Variants in PRPSAP1 observed in about 807,000 individuals in gnomAD.
The protein encoded by PRPSAP1 is phosphoribosyl pyrophosphate synthase-associated protein 1.
Under a neutral mutation model 39.4 loss-of-function variants are expected in PRPSAP1, and 31 were observed. The observed-to-expected ratio is 0.79, with a 90% CI of 0.59 to 1.06. PRPSAP1 has a LOEUF of 1.06. Among genes scored for constraint, PRPSAP1 ranks in the 50% least tolerant of loss-of-function variants. The pLI is 0.00. For missense variants in PRPSAP1, 430 were observed against 511.6 expected, an observed-to-expected ratio of 0.84 and a Z score of 1.54; for synonymous variants, 212 against 192.6, an observed-to-expected ratio of 1.10 and a Z score of -0.83.
intron 3 of PRPSAP1, among the ~76,000 whole-genome samples, chr17:76,342,886 T>C (rs2071454929): frequency 2.0e-5 from 3 of 152,080 alleles, no homozygotes; most frequent in African/African-American, 7.2e-5. Flanking sequence ...AAGACCAGCC[T>C]GGCCAACATG....
intron 3 of PRPSAP1, among the ~76,000 whole-genome samples, chr17:76,338,522 G>A (rs1479371896): frequency 6.6e-6 from 1 of 152,006 alleles, no homozygotes; most frequent in Non-Finnish European, 1.5e-5. Flanking sequence ...AGGCAACATG[G>A]AGAAACCCCA....
intron 3 of PRPSAP1, among the ~76,000 whole-genome samples, chr17:76,336,988 T>A (rs973543949): frequency 1.3e-5 from 2 of 152,196 alleles, no homozygotes; most frequent in Admixed American, 6.6e-5. Flanking sequence ...CAGTCTCTGC[T>A]TTATCTGTTC....
In PRPSAP1 at chr17:76,312,881, A is replaced by C. The variant is rs1416491397; in HGVS notation, c.988T>G (p.Ser330Ala). 15 of 1,612,892 alleles carry C rather than the reference A, an allele frequency of 9.3e-6. No homozygotes were observed. The highest frequency in any genetic ancestry group is 1.3e-5 in the Non-Finnish European group (15 of 1,179,708). The stretch of plus-strand genomic sequence containing the variant: ...AGAAGCAGCCTGACCTCGTCTACGG[A>C]GGACTCCTCAATCAGGCGAGGGGCC... Reference protein sequence around the residue: ...AEAPRLIEESSVDEVVVTNTV... With the variant: ...AEAPRLIEESAVDEVVVTNTV... The change falls in exon 9 of 10, where the codon TCC becomes GCC. Residue 330 changes from serine (S) to alanine (A), a missense_variant. Physicochemically the swap from Ser to Ala is moderately conservative, Grantham distance 99. Around this residue, in one of 2 missense-constraint regions of PRPSAP1, gnomAD observed 278 missense variants for 376.3 expected, o/e 0.74. Transcript: ENST00000446526.
chr17:76,342,885 C>G (rs1169899883), intron 3 of PRPSAP1, among the ~76,000 whole-genome samples: 5 of 152,094 alleles, frequency 3.3e-5, no homozygotes. Flanking sequence ...CAAGACCAGC[C>G]TGGCCAACAT....
At chr17:76,341,502 A>C (rs546175700) in intron 3 of PRPSAP1, among the ~76,000 whole-genome samples, 1 of 152,146 alleles carries the variant, frequency 6.6e-6, no homozygotes, top group Non-Finnish European at 1.5e-5. Flanking sequence ...TTGGTGTCTC[A>C]AAGTCCTGGG....
At position 76,316,339 on chromosome 17, in the gene PRPSAP1, T is replaced by G. The variant is rs182357942; in HGVS notation, c.782-2448A>C. Reference sequence around the variant, plus strand: ...ACAAAGAACTACTGTTAGTTTCGCATGAAAAACCTAGGCTCTGCTAGGAGG... The same window carrying G: ...ACAAAGAACTACTGTTAGTTTCGCAGGAAAAACCTAGGCTCTGCTAGGAGG... On this transcript the variant is annotated intron_variant, in intron 7 of 9. Coordinates refer to ENST00000446526, the MANE Select transcript of PRPSAP1 (RefSeq NM_002766.3). 2.6e-5 allele frequency among the ~76,000 whole-genome samples: 4 copies of G among 152,192 alleles called. No homozygotes were observed. In the East Asian group the frequency reaches 5.8e-4, roughly 22 times the overall value.
intron 3 of PRPSAP1, among the ~76,000 whole-genome samples, chr17:76,340,841 G>A (rs2071428793): frequency 6.7e-6 from 1 of 150,008 alleles, no homozygotes; most frequent in Non-Finnish European, 1.5e-5. Context: ...GGTGGGGTTT[G>A]CAGTGAACCG....
chr17:76,338,336 G>A (rs567189677), intron 3 of PRPSAP1, among the ~76,000 whole-genome samples: 2 of 152,202 alleles, frequency 1.3e-5, no homozygotes, highest in African/African-American at 2.4e-5. Context: ...ATTACTTTAG[G>A]CAATGCCCCC....
chr17:76,347,484 C>CAAAAAAAAAAAAAAAAAA (rs71161289), intron 2 of PRPSAP1, among the ~76,000 whole-genome samples: 8 of 25,222 alleles, frequency 3.2e-4, no homozygotes, highest in Admixed American at 6.5e-4. Flanking sequence ...AAGACTCCGT[C>CAAAAAAAAAAAAAAAAAA]AAAAAAAAAA....
chr17:76,342,744 CAAAT>C (rs1212962425), intron 3 of PRPSAP1, among the ~76,000 whole-genome samples: 3 of 149,668 alleles, frequency 2.0e-5, no homozygotes, highest in African/African-American at 7.4e-5. Context: ...AAAAGAAAGT[CAAAT>C]AAAGGCCATG....
intron 7 of PRPSAP1, among the ~76,000 whole-genome samples, chr17:76,322,428 G>A (rs423330): frequency 0.29 from 44,581 of 151,992 alleles, 7,544 homozygotes; most frequent in African/African-American, 0.46. Context: ...ACAGTCTTTC[G>A]ACAGCTCTGA....
intron 2 of PRPSAP1, chr17:76,346,033 G>T (rs182944647): frequency 1.4e-5 from 6 of 437,024 alleles, no homozygotes; most frequent in African/African-American, 1.2e-4. Flanking sequence ...CACTGGCGAG[G>T]AGGGGAATGA....
Position 76,314,232 on chromosome 17 carries a change from T to G in PRPSAP1, c.782-341A>C, listed in dbSNP as rs867299273. The G allele has an allele frequency of 4.6e-4, 108 of 234,840 alleles. 1 individual carries two copies. The highest frequency in any genetic ancestry group is 1.6e-3 in the Middle Eastern group (1 of 626). The allele number at this position is 234,840 out of a possible 1,614,324, so 14.5% of individuals were successfully genotyped here. A position where few individuals can be genotyped will look rare whatever the true frequency, so the allele number is the denominator to read the frequency against. On this transcript the variant is annotated intron_variant, in intron 7 of 9. Transcript: ENST00000446526. The stretch of plus-strand genomic sequence containing the variant: ...TGTATGTATGTATGTATGTATGTAT[T>G]TTTTGAGACGGAGTTTTGCTCTTGT...
intron 4 of PRPSAP1, among the ~76,000 whole-genome samples, chr17:76,331,652 G>A (rs528531807): frequency 1.3e-5 from 2 of 152,244 alleles, no homozygotes; most frequent in South Asian, 2.1e-4. Flanking sequence ...CGGGAGATGG[G>A]TTCCTGGAAC....
chr17:76,341,185 G>C (rs2071433117), intron 3 of PRPSAP1, among the ~76,000 whole-genome samples: 1 of 150,408 alleles, frequency 6.6e-6, no homozygotes, highest in African/African-American at 2.4e-5. Context: ...TCAAATTCCA[G>C]ATTACAATGC....
intron 7 of PRPSAP1, among the ~76,000 whole-genome samples, chr17:76,319,707 C>T (rs2071168149): frequency 6.6e-6 from 1 of 151,862 alleles, no homozygotes; most frequent in Admixed American, 6.6e-5. Context: ...CCCTCCTTGG[C>T]CTCCCAAAGT....
intron 5 of PRPSAP1, 51 bp downstream of exon 5, chr17:76,330,495 AAAACT>A: frequency 7.4e-7 from 1 of 1,353,946 alleles, no homozygotes; most frequent in Non-Finnish European, 1.0e-6. Context: ...ATACCAGAGA[AAAACT>A]AAATAAGATC....
chr17:76,315,535 A>C (rs1228972846), intron 7 of PRPSAP1, among the ~76,000 whole-genome samples: 6 of 151,992 alleles, frequency 3.9e-5, no homozygotes, highest in Non-Finnish European at 8.8e-5. Flanking sequence ...CACATCCTAG[A>C]AACAAAGACA....
intron 3 of PRPSAP1, among the ~76,000 whole-genome samples, chr17:76,338,740 A>G (rs1481435244): frequency 6.6e-6 from 1 of 151,598 alleles, no homozygotes; most frequent in African/African-American, 2.4e-5. Flanking sequence ...TATAAAATAA[A>G]ATAAAAAATT....
Sources: gnomAD v4.1 joint callset for allele counts (sites outside exome capture counted in the v4.1 genomes callset) on GRCh38, gnomAD v4.1.1 for gene constraint, gnomAD v4.1.1 regional missense constraint, MANE v1.5 for transcripts, NCBI Gene and HGNC (gene_info 2026-07-23, HGNC 2026-07-21) for gene names.